Variants in HECW1 observed in about 807,000 individuals in gnomAD.
The protein encoded by HECW1 is HECT, C2 and WW domain containing E3 ubiquitin protein ligase 1, also known as E3 ubiquitin-protein ligase HECW1.
HECW1 carries 61 observed loss-of-function variants against 182.3 expected under a neutral mutation model. The ratio of observed to expected loss-of-function variants is 0.33; its 90% CI spans 0.27 to 0.41. The LOEUF is 0.41. Among genes scored for constraint, HECW1 ranks in the 10% least tolerant of loss-of-function variants. HECW1 has a pLI of 1.00. For synonymous variants in HECW1, 859 were observed against 832.6 expected (o/e 1.03, Z -0.55); for missense variants, 1,739 against 2,108.9 (o/e 0.82, Z 3.44).
intron 2 of HECW1, among the ~76,000 whole-genome samples, chr7:43,115,721 CGTA>C (rs1454746691): frequency 1.3e-5 from 2 of 152,170 alleles, no homozygotes; most frequent in Non-Finnish European, 2.9e-5. Flanking sequence ...CACAATTTTC[CGTA>C]GTTGTGCACT....
intron 6 of HECW1, among the ~76,000 whole-genome samples, chr7:43,386,355 A>G (rs559294423): frequency 4.6e-5 from 7 of 152,242 alleles, no homozygotes; most frequent in African/African-American, 1.7e-4. Flanking sequence ...GCAAAGGCTC[A>G]GAAGGGTCCC....
At chr7:43,538,487 A>G (rs1473719987) in intron 24 of HECW1, among the ~76,000 whole-genome samples, 3 of 152,218 alleles carry the variant, frequency 2.0e-5, no homozygotes, top group Non-Finnish European at 2.9e-5. Flanking sequence ...AGAAGAAGAA[A>G]CTGAGAAGAG....
chr7:43,210,982 AGCCGATGCCGGCTGGAAT>A (rs1205388933), intron 2 of HECW1, among the ~76,000 whole-genome samples: 4 of 152,264 alleles, frequency 2.6e-5, no homozygotes, highest in African/African-American at 9.6e-5. Flanking sequence ...CAAAGAGGGT[AGCCGATGCCGGCTGGAAT>A]GCCTGGGTTT....
chr7:43,256,609 C>CAAAAAAAAAAAAAAAAAAAAAA (rs756396122), intron 3 of HECW1, among the ~76,000 whole-genome samples: 1 of 55,360 alleles, frequency 1.8e-5, no homozygotes, highest in African/African-American at 5.6e-5. Flanking sequence ...AACTTCATCT[C>CAAAAAAAAAAAAAAAAAAAAAA]AAAAAAAAAA....
At chr7:43,281,157 G>C (rs1335075431) in intron 3 of HECW1, among the ~76,000 whole-genome samples, 1 of 152,162 alleles carries the variant, frequency 6.6e-6, no homozygotes, top group African/African-American at 2.4e-5. Context: ...AAGTGGCAAA[G>C]AGCACTGCTG....
chr7:43,344,224 T>A (rs1268607511), intron 5 of HECW1, among the ~76,000 whole-genome samples: 1 of 151,886 alleles, frequency 6.6e-6, no homozygotes, highest in Non-Finnish European at 1.5e-5. Context: ...TTCACTCTGA[T>A]GGTAGTTTCT....
intron 3 of HECW1, among the ~76,000 whole-genome samples, chr7:43,244,247 T>G (rs1290054760): frequency 6.6e-6 from 1 of 152,236 alleles, no homozygotes; most frequent in African/African-American, 2.4e-5. Flanking sequence ...GAATTACAGC[T>G]GAGAGCTCCG....
intron 8 of HECW1, among the ~76,000 whole-genome samples, chr7:43,421,143 T>C (rs142905633): frequency 6.6e-6 from 1 of 152,332 alleles, no homozygotes; most frequent in East Asian, 1.9e-4. Flanking sequence ...ATGCACCACA[T>C]AGCATCATCG....
chr7:43,289,726 A>G (rs552347830), intron 3 of HECW1, among the ~76,000 whole-genome samples: 15 of 152,316 alleles, frequency 9.8e-5, no homozygotes, highest in Non-Finnish European at 1.9e-4. Flanking sequence ...AAACAATCTC[A>G]AGAGGTCCTG....
intron 4 of HECW1, among the ~76,000 whole-genome samples, chr7:43,315,515 A>G (rs900361823): frequency 2.6e-5 from 4 of 151,122 alleles, no homozygotes; most frequent in Non-Finnish European, 5.9e-5. Context: ...TTATTTTGAG[A>G]TGGAATCTCG....
intron 17 of HECW1, among the ~76,000 whole-genome samples, chr7:43,487,964 A>G (rs1201588069): frequency 6.8e-6 from 1 of 147,208 alleles, no homozygotes; most frequent in Non-Finnish European, 1.5e-5. Flanking sequence ...AAAAAAAAGG[A>G]AGAGAGAGAG....
chr7:43,555,660 A>G (rs1007515352), intron 29 of HECW1, among the ~76,000 whole-genome samples: 1 of 152,320 alleles, frequency 6.6e-6, no homozygotes, highest in Admixed American at 6.5e-5. Flanking sequence ...GCTTTCACCT[A>G]GGTTTCCCAG....
At chr7:43,475,125 T>A (rs2152903872) in intron 16 of HECW1, among the ~76,000 whole-genome samples, 1 of 152,332 alleles carries the variant, frequency 6.6e-6, no homozygotes, top group East Asian at 1.9e-4. Context: ...TAAAAATTGT[T>A]ATTGTTTTAC....
intron 2 of HECW1, among the ~76,000 whole-genome samples, chr7:43,215,334 G>A (rs1562685906): frequency 2.0e-5 from 3 of 152,216 alleles, no homozygotes; most frequent in Admixed American, 6.5e-5. Flanking sequence ...CCTCACAGAA[G>A]CGTTGCCCTG....
intron 6 of HECW1, among the ~76,000 whole-genome samples, chr7:43,367,716 C>T (rs1816821644): frequency 6.6e-6 from 1 of 152,114 alleles, no homozygotes; most frequent in South Asian, 2.1e-4. Flanking sequence ...GATCTTCTGA[C>T]TATTGTTAAC....
At chr7:43,487,210 A>G (rs1016667731) in intron 17 of HECW1, among the ~76,000 whole-genome samples, 1 of 152,202 alleles carries the variant, frequency 6.6e-6, no homozygotes, top group Non-Finnish European at 1.5e-5. Flanking sequence ...AATTCAGTCT[A>G]AAACATGCAA....
chr7:43,185,272 C>T (rs1370689422), intron 2 of HECW1, among the ~76,000 whole-genome samples: 1 of 152,166 alleles, frequency 6.6e-6, no homozygotes, highest in Non-Finnish European at 1.5e-5. Flanking sequence ...CTCTGTGTGT[C>T]TCCTCCATCT....
intron 3 of HECW1, among the ~76,000 whole-genome samples, chr7:43,246,571 C>T (rs1202154916): frequency 2.0e-5 from 3 of 152,180 alleles, no homozygotes; most frequent in Non-Finnish European, 4.4e-5. Flanking sequence ...CTAGCTAGAC[C>T]TGACGGGAAC....
At chr7:43,234,882 A>T (rs944855094) in intron 2 of HECW1, among the ~76,000 whole-genome samples, 1 of 152,170 alleles carries the variant, frequency 6.6e-6, no homozygotes, top group Non-Finnish European at 1.5e-5. Flanking sequence ...CCCCCTCCAC[A>T]TGAGGCCCTG....
Sources: gnomAD v4.1 joint callset for allele counts (sites outside exome capture counted in the v4.1 genomes callset) on GRCh38, gnomAD v4.1.1 for gene constraint, MANE v1.5 for transcripts, NCBI Gene and HGNC (gene_info 2026-07-23, HGNC 2026-07-21) for gene names.